CHD2: variants seen among roughly 807,000 people sequenced by gnomAD.
CHD2 encodes ATP-dependent chromatin remodeler CHD2.
A neutral mutation model predicts 243.9 loss-of-function variants in CHD2; 28 were observed. The ratio of observed to expected loss-of-function variants is 0.11; its 90% CI spans 0.09 to 0.16. The LOEUF (loss-of-function observed/expected upper bound fraction) is 0.16, where lower values mean the gene tolerates loss of function less well. CHD2 is among the 10% of genes least tolerant of loss of function. CHD2 has a pLI of 1.00. For synonymous variants in CHD2, 775 were observed against 779.0 expected (o/e 0.99, Z 0.09); for missense variants, 1,386 against 2,209.8 (o/e 0.63, Z 7.47).
At position 92,944,530 on chromosome 15, in the gene CHD2, A is replaced by G. The variant is rs2053431653; in HGVS notation, c.1153+15A>G. ...AAGAGTAATAGGTAAGTACATGGTA[A>G]CTCACTTCAGCCATATTTGAACTTG... On this transcript the variant is annotated intron_variant, in intron 10 of 38. Coordinates refer to ENST00000394196, the MANE Select transcript of CHD2 (RefSeq NM_001271.4). 1.5e-6 allele frequency: 2 copies of G among 1,335,182 alleles called. No homozygotes were observed. Among genetic ancestry groups the G allele is most frequent in the Non-Finnish European group, 2.1e-6 (2 of 955,874 alleles). The allele number at this position is 1,335,182 out of a possible 1,614,324, so 82.7% of individuals were successfully genotyped here.
intron 2 of CHD2, among the ~76,000 whole-genome samples, chr15:92,907,667 A>G (rs1002027526): frequency 6.6e-6 from 1 of 152,338 alleles, no homozygotes; most frequent in South Asian, 2.1e-4. Flanking sequence ...AATGTAGATA[A>G]TGGTCATCTT....
At chr15:92,940,904 A>ATG (rs2053361499) in intron 7 of CHD2, among the ~76,000 whole-genome samples, 1 of 81,066 alleles carries the variant, frequency 1.2e-5, no homozygotes, top group Non-Finnish European at 2.5e-5. Context: ...ATATATATAA[A>ATG]TATATATATA....
chr15:92,912,216 C>G (rs1248275311), intron 2 of CHD2, among the ~76,000 whole-genome samples: 5 of 152,146 alleles, frequency 3.3e-5, no homozygotes, highest in Non-Finnish European at 7.4e-5. Flanking sequence ...ATTTTAAAAG[C>G]CAAGCTCCCT....
chr15:92,981,995 A>G (rs1020905322), intron 24 of CHD2, among the ~76,000 whole-genome samples: 2 of 152,196 alleles, frequency 1.3e-5, no homozygotes, highest in African/African-American at 4.8e-5. Context: ...CAATGTTATT[A>G]AAAAGCTTAG....
chr15:93,004,365 C>T, intron 33 of CHD2: 1 of 330,404 alleles, frequency 3.0e-6, no homozygotes. Context: ...AGTAAGAAGC[C>T]CAAAAATAGC....
At chr15:93,013,950 A>T (rs1364544845) in intron 36 of CHD2, among the ~76,000 whole-genome samples, 2 of 150,808 alleles carry the variant, frequency 1.3e-5, no homozygotes, top group African/African-American at 2.5e-5. Context: ...AAAAAAAAAA[A>T]AAAAAATACA....
intron 37 of CHD2, among the ~76,000 whole-genome samples, chr15:93,018,622 G>A (rs1467258135): frequency 1.3e-5 from 2 of 152,194 alleles, no homozygotes; most frequent in Non-Finnish European, 2.9e-5. Context: ...AGACCAGGAA[G>A]TCTGATATCA....
At chr15:92,978,047 C>G in intron 20 of CHD2, 187 bp from the exon 21 acceptor site, 1 of 648,360 alleles carries the variant, frequency 1.5e-6, no homozygotes, top group Non-Finnish European at 2.7e-6. Context: ...CTGACTTTGC[C>G]TCTTAATCAA....
rs1481959944 is a variant in CHD2, at chr15:92,900,459, C to T, written c.-437C>T. 1 of 397,618 alleles carries T rather than the reference C, an allele frequency of 2.5e-6. No homozygotes were observed. Among genetic ancestry groups the T allele is most frequent in the Non-Finnish European group, 4.4e-6 (1 of 225,470 alleles). The allele number at this position is 397,618 out of a possible 1,614,324, so 24.6% of individuals were successfully genotyped here. Reference sequence around the variant, plus strand: ...GGGGCCCCCGTAGCCCCCTGCCTTTCCTAGGGACTTACTGGGGTCGATTCG... The same window carrying T: ...GGGGCCCCCGTAGCCCCCTGCCTTTTCTAGGGACTTACTGGGGTCGATTCG... On this transcript the variant is annotated 5_prime_UTR_variant, in exon 1 of 39. Transcript: ENST00000394196.
intron 28 of CHD2, 131 bp downstream of exon 28, chr15:92,993,129 C>T: frequency 1.1e-6 from 1 of 913,042 alleles, no homozygotes. Context: ...TTATTCTGAG[C>T]TGCGTTTCTG....
intron 2 of CHD2, chr15:92,921,233 G>A (rs2052948767): frequency 6.6e-6 from 1 of 152,402 alleles, no homozygotes; most frequent in Non-Finnish European, 1.5e-5. Context: ...TTAATTTGCT[G>A]TGTCCGCAGT....
At position 92,929,015 on chromosome 15, in the gene CHD2, C is replaced by T. The variant is rs1334993852; in HGVS notation, c.382-15C>T. The T allele has an allele frequency of 6.2e-7, 1 of 1,609,504 alleles. No individual in the cohort carries two copies. Among genetic ancestry groups the T allele is most frequent in the South Asian group, 1.1e-5 (1 of 90,292 alleles). Reference sequence around the variant, plus strand: ...TTAAAGTCTGTAATCATTTTTCCCCCCTCACACACTGAAGGCAAGTAGCGG... The same window carrying T: ...TTAAAGTCTGTAATCATTTTTCCCCTCTCACACACTGAAGGCAAGTAGCGG... On this transcript the variant is annotated splice_polypyrimidine_tract_variant and intron_variant, in intron 4 of 38. Coordinates refer to ENST00000394196, the MANE Select transcript of CHD2 (RefSeq NM_001271.4).
chr15:93,002,906 G>A (rs2054275336), intron 33 of CHD2, among the ~76,000 whole-genome samples: 1 of 152,054 alleles, frequency 6.6e-6, no homozygotes, highest in Non-Finnish European at 1.5e-5. Context: ...AACTCTAATA[G>A]ATTTCTTGAT....
chr15:92,989,582 G>A (rs927590613), intron 26 of CHD2, among the ~76,000 whole-genome samples: 1 of 152,166 alleles, frequency 6.6e-6, no homozygotes, highest in Non-Finnish European at 1.5e-5. Context: ...GCTAATGATT[G>A]AACAGAGATT....
intron 2 of CHD2, among the ~76,000 whole-genome samples, chr15:92,917,306 C>T (rs971827048): frequency 7.9e-5 from 12 of 152,302 alleles, no homozygotes; most frequent in Admixed American, 1.3e-4. Flanking sequence ...TGCCTGTAAT[C>T]CTAGCACTTT....
chr15:92,994,553 G>A (rs945251875), intron 28 of CHD2, among the ~76,000 whole-genome samples: 2 of 152,104 alleles, frequency 1.3e-5, no homozygotes, highest in African/African-American at 4.8e-5. Context: ...CTGAATATGT[G>A]CTTTTATAAC....
At chr15:92,990,425 C>A (rs1322798565) in intron 26 of CHD2, among the ~76,000 whole-genome samples, 1 of 152,188 alleles carries the variant, frequency 6.6e-6, no homozygotes, top group Non-Finnish European at 1.5e-5. Context: ...TGTGACAATA[C>A]TGATTGTGAC....
chr15:92,920,779 A>C (rs1249785123), intron 2 of CHD2, among the ~76,000 whole-genome samples: 2 of 152,200 alleles, frequency 1.3e-5, no homozygotes, highest in Non-Finnish European at 2.9e-5. Flanking sequence ...TAAATACGTT[A>C]TTTCAAAGGG....
intron 2 of CHD2, among the ~76,000 whole-genome samples, chr15:92,918,871 T>C (rs981970916): frequency 6.6e-6 from 1 of 151,652 alleles, no homozygotes; most frequent in Non-Finnish European, 1.5e-5. Context: ...ATATATATAT[T>C]TTTTGAGACA....
Sources: allele counts gnomAD v4.1 joint callset (sites outside exome capture counted in the v4.1 genomes callset), GRCh38; gene constraint gnomAD v4.1.1; transcripts MANE v1.5; gene names NCBI Gene and HGNC (gene_info 2026-07-23, HGNC 2026-07-21).